The following TVP23A variants were observed in gnomAD, a reference collection of about 807,000 sequenced individuals.
The protein encoded by TVP23A is Golgi apparatus membrane protein TVP23 homolog A.
A neutral mutation model predicts 31.7 loss-of-function variants in TVP23A; 21 were observed. That is an observed-to-expected ratio of 0.66 (90% CI 0.47 to 0.95). The LOEUF (loss-of-function observed/expected upper bound fraction) is 0.95. TVP23A is among the 40% of genes least tolerant of loss of function. TVP23A has a pLI of 0.00. For synonymous variants in TVP23A, 104 were observed against 96.0 expected (o/e 1.08, Z -0.49); for missense variants, 279 against 255.6 (o/e 1.09, Z -0.62).
At chr16:10,799,614 G>A (rs1035605938) in intron 2 of TVP23A, among the ~76,000 whole-genome samples, 3 of 152,244 alleles carry the variant, frequency 2.0e-5, no homozygotes, top group African/African-American at 7.2e-5. Flanking sequence ...AATTATAGGC[G>A]TGAGCCTACA....
chr16:10,805,539 T>A (rs1342383094), intron 2 of TVP23A, among the ~76,000 whole-genome samples: 5 of 148,068 alleles, frequency 3.4e-5, no homozygotes, highest in Non-Finnish European at 6.0e-5. Flanking sequence ...TGTCTCTGAG[T>A]CATCTCGGAA....
intron 2 of TVP23A, among the ~76,000 whole-genome samples, chr16:10,810,721 T>C (rs1467180129): frequency 2.0e-5 from 3 of 152,138 alleles, no homozygotes; most frequent in East Asian, 1.9e-4. Context: ...TCAGACATCA[T>C]ACCTCCTGGT....
rs554290363 is a variant in TVP23A at position 10,784,029 on chromosome 16, T to C, written c.90-8933A>G. Among the ~76,000 whole-genome samples the C allele has an allele frequency of 7.2e-5, 11 of 151,942 alleles. No homozygotes were observed. The South Asian group carries it at 1.9e-3, about 26-fold the overall frequency. On this transcript the variant is annotated intron_variant, in intron 2 of 7. Coordinates refer to ENST00000299866, the MANE Select transcript of TVP23A (RefSeq NM_001079512.4). Reference sequence around the variant, plus strand: ...ATGGAGGACTTTTGACATTACACATTTGCCAAAACTCATAGAATGGGCTAG... The same window carrying C: ...ATGGAGGACTTTTGACATTACACATCTGCCAAAACTCATAGAATGGGCTAG...
At chr16:10,800,217 C>G (rs1056441335) in intron 2 of TVP23A, 1 of 151,954 alleles carries the variant, frequency 6.6e-6, no homozygotes, top group African/African-American at 2.4e-5. Flanking sequence ...GCCACTGTGC[C>G]TGGCCTTGTG....
chr16:10,774,161 T>A (rs886823876), intron 3 of TVP23A, 33 bp from the exon 4 acceptor site: 2 of 1,543,682 alleles, frequency 1.3e-6, no homozygotes, highest in South Asian at 2.3e-5. Flanking sequence ...TCTGAGCAGG[T>A]CACAGGCAAA....
intron 2 of TVP23A, among the ~76,000 whole-genome samples, chr16:10,791,997 G>A (rs993240010): frequency 2.0e-5 from 3 of 152,190 alleles, no homozygotes; most frequent in Admixed American, 1.3e-4. Flanking sequence ...GATTAGGGTG[G>A]GGTGGCCAGC....
In TVP23A at chr16:10,779,127, G is replaced by A. The variant is rs948196100; in HGVS notation, c.90-4031C>T. Among the ~76,000 whole-genome samples, 4 of 152,102 alleles carry A rather than the reference G, an allele frequency of 2.6e-5. No homozygotes were observed. The highest frequency in any genetic ancestry group is 5.9e-5 in the Non-Finnish European group (4 of 68,024). On this transcript the variant is annotated intron_variant, in intron 2 of 7. Coordinates refer to ENST00000299866, the MANE Select transcript of TVP23A (RefSeq NM_001079512.4). The surrounding 1 kb of genome is among the most constrained non-coding windows in gnomAD (Gnocchi z 4.9). ...AAAATAAAATGCAGAAAAATTTCCA[G>A]TTGTTGATAGCTTCCACTTAGCTGG...
At chr16:10,801,043 G>A (rs563546425) in intron 2 of TVP23A, among the ~76,000 whole-genome samples, 1 of 152,260 alleles carries the variant, frequency 6.6e-6, no homozygotes, top group South Asian at 2.1e-4. Context: ...TCAACAAAAG[G>A]ATGTCCCAGA....
chr16:10,807,084 G>A (rs1408719367), intron 2 of TVP23A, among the ~76,000 whole-genome samples: 1 of 152,158 alleles, frequency 6.6e-6, no homozygotes, highest in Non-Finnish European at 1.5e-5. Context: ...GAGAGCCGGT[G>A]ACAATATAAC....
intron 2 of TVP23A, among the ~76,000 whole-genome samples, chr16:10,817,060 C>G (rs1216747078): frequency 1.3e-5 from 2 of 151,982 alleles, no homozygotes; most frequent in Non-Finnish European, 2.9e-5. Flanking sequence ...CCAGCAGTCA[C>G]CAAAAGCTGG....
rs1021076808 is a variant in TVP23A at position 10,774,330 on chromosome 16, C to T, written c.235-202G>A. On this transcript the variant is annotated intron_variant, in intron 3 of 7. Transcript: ENST00000299866. The stretch of plus-strand genomic sequence containing the variant: ...ACTTTAAAAAGTTACACACTCCCCC[C>T]ACAAAACATATATAATTTATATGTT... 5.9e-5 allele frequency among the ~76,000 whole-genome samples: 9 copies of T among 152,276 alleles called. No individual in the cohort carries two copies. The East Asian group carries it at 1.3e-3, about 23-fold the overall frequency.
At chr16:10,780,089 A>AAATG (rs4028816) in intron 2 of TVP23A, among the ~76,000 whole-genome samples, 4,265 of 149,048 alleles carry the variant, frequency 0.029, 121 homozygotes, top group African/African-American at 0.072. Flanking sequence ...CTCCATCTCA[A>AAATG]AATGAATGAA....
At chr16:10,805,107 G>C (rs2033883438) in intron 2 of TVP23A, among the ~76,000 whole-genome samples, 2 of 151,860 alleles carry the variant, frequency 1.3e-5, no homozygotes, top group African/African-American at 2.4e-5. Context: ...GTGTGATCTT[G>C]GCTCACTGCA....
chr16:10,769,388 T>G (rs1448753990), intron 7 of TVP23A: 2 of 373,970 alleles, frequency 5.3e-6, no homozygotes, highest in Non-Finnish European at 9.6e-6. Context: ...AACAAATGGG[T>G]TGTGGGATCG....
intron 2 of TVP23A, among the ~76,000 whole-genome samples, chr16:10,782,457 T>C (rs957491692): frequency 6.6e-6 from 1 of 152,178 alleles, no homozygotes; most frequent in East Asian, 1.9e-4. Flanking sequence ...AGGTAGTTGC[T>C]GCTCACCTGT....
At chr16:10,809,987 C>T (rs1250452467) in intron 2 of TVP23A, among the ~76,000 whole-genome samples, 2 of 152,116 alleles carry the variant, frequency 1.3e-5, no homozygotes, top group African/African-American at 2.4e-5. Flanking sequence ...AACTCAAATG[C>T]CCATCAATGT....
intron 2 of TVP23A, among the ~76,000 whole-genome samples, chr16:10,798,932 G>T (rs370488887): frequency 1.2e-4 from 18 of 152,352 alleles, no homozygotes; most frequent in African/African-American, 4.3e-4. Context: ...AAAGTTCTGG[G>T]ATTACAGGTG....
intron 2 of TVP23A, among the ~76,000 whole-genome samples, chr16:10,809,147 T>C (rs1265304733): frequency 6.6e-6 from 1 of 152,216 alleles, no homozygotes; most frequent in South Asian, 2.1e-4. Context: ...CCAGGTCCCC[T>C]AAACACATTG....
intron 3 of TVP23A, among the ~76,000 whole-genome samples, chr16:10,774,610 T>C (rs72785625): frequency 4.3e-4 from 38 of 88,012 alleles, no homozygotes; most frequent in African/African-American, 5.6e-4. Context: ...CTCTCTCTTT[T>C]TTTTTTTTTT....
Sources: gnomAD v4.1 joint callset for allele counts (sites outside exome capture counted in the v4.1 genomes callset) on GRCh38, gnomAD v4.1.1 for gene constraint, Gnocchi (gnomAD v3.1) non-coding constraint, MANE v1.5 for transcripts, NCBI Gene and HGNC (gene_info 2026-07-23, HGNC 2026-07-21) for gene names.